The following BRINP3 variants were observed in gnomAD, a reference collection of about 807,000 sequenced individuals.
BRINP3 encodes the protein BMP/retinoic acid inducible neural specific 3.
Under a neutral mutation model 71.0 loss-of-function variants are expected in BRINP3, and 19 were observed. The ratio of observed to expected loss-of-function variants is 0.27; its 90% CI spans 0.19 to 0.39. The LOEUF (loss-of-function observed/expected upper bound fraction) is 0.39, where lower values mean the gene tolerates loss of function less well. Among genes scored for constraint, BRINP3 ranks in the 10% least tolerant of loss-of-function variants. The probability of loss-of-function intolerance (pLI) is 1.00; values close to 1 mark genes in which losing one functional copy is unlikely to be tolerated. For missense variants in BRINP3, 959 were observed against 940.8 expected (o/e 1.02, Z -0.25); for synonymous variants, 380 against 337.7 (o/e 1.13, Z -1.37).
chr1:190,207,765 T>C (rs1655639334), intron 6 of BRINP3, among the ~76,000 whole-genome samples: 2 of 152,146 alleles, frequency 1.3e-5, no homozygotes, highest in African/African-American at 4.8e-5. Context: ...ATAATGATAA[T>C]GAACAAATTG....
At chr1:190,302,626 A>G (rs897350388) in intron 2 of BRINP3, 1 of 151,830 alleles carries the variant, frequency 6.6e-6, no homozygotes, top group Non-Finnish European at 1.5e-5. Context: ...AAATCCCCTC[A>G]TAAATATTTT....
intron 3 of BRINP3, among the ~76,000 whole-genome samples, chr1:190,265,458 A>G (rs1458110729): frequency 6.6e-6 from 1 of 151,580 alleles, no homozygotes; most frequent in Non-Finnish European, 1.5e-5. Flanking sequence ...TCCCAGCACT[A>G]TGGAAGGCCG....
chr1:190,265,134 T>A, intron 3 of BRINP3, 79 bp from the exon 4 acceptor site: 1 of 1,282,204 alleles, frequency 7.8e-7, no homozygotes, highest in Non-Finnish European at 1.1e-6. Flanking sequence ...TGGAAAGGTC[T>A]AGCTTATGAA....
At chr1:190,163,154 T>C (rs1194648785) in intron 6 of BRINP3, among the ~76,000 whole-genome samples, 1 of 152,110 alleles carries the variant, frequency 6.6e-6, no homozygotes, top group Non-Finnish European at 1.5e-5. Flanking sequence ...AAAATTTGAA[T>C]GATGCATTAG....
At position 190,260,551 on chromosome 1, in the gene BRINP3, T is replaced by C. The variant is rs1045079400; in HGVS notation, c.618+4314A>G. 3.3e-5 allele frequency among the ~76,000 whole-genome samples: 5 copies of C among 152,010 alleles called. No homozygotes were observed. The East Asian group carries it at 7.7e-4, about 24-fold the overall frequency. On this transcript the variant is annotated intron_variant, in intron 4 of 7. Coordinates refer to ENST00000367462, the MANE Select transcript of BRINP3 (RefSeq NM_199051.3). ...TTAAAGTAAGTTTTAAAAACATATA[T>C]ATATATAGAGAGAGAGAGGTAAAAT...
At chr1:190,354,243 C>A (rs1294982733) in intron 2 of BRINP3, among the ~76,000 whole-genome samples, 3 of 151,870 alleles carry the variant, frequency 2.0e-5, no homozygotes, top group South Asian at 2.1e-4. Context: ...TGATTTAGGG[C>A]AGTTTAGCAA....
At chr1:190,343,325 G>A (rs1195765477) in intron 2 of BRINP3, among the ~76,000 whole-genome samples, 1 of 151,760 alleles carries the variant, frequency 6.6e-6, no homozygotes, top group Non-Finnish European at 1.5e-5. Flanking sequence ...TGAGAGAGAA[G>A]TTAAGACTAC....
intron 6 of BRINP3, among the ~76,000 whole-genome samples, chr1:190,169,770 T>A (rs1363455124): frequency 6.6e-6 from 1 of 152,162 alleles, no homozygotes; most frequent in East Asian, 1.9e-4. Context: ...ATGAAAACAA[T>A]AAAATGTCTT....
At chr1:190,327,326 CAAAAAAAAAA>C (rs1227478693) in intron 2 of BRINP3, among the ~76,000 whole-genome samples, 11,014 of 44,534 alleles carry the variant, frequency 0.25, 197 homozygotes, top group South Asian at 0.45. Flanking sequence ...AAAAAAAGAA[CAAAAAAAAAA>C]AAAAAAAAAA....
chr1:190,394,469 G>C lies in BRINP3; in HGVS notation c.236+60186C>G, dbSNP rs534898081. On this transcript the variant is annotated intron_variant, in intron 2 of 7. Coordinates refer to ENST00000367462, the MANE Select transcript of BRINP3 (RefSeq NM_199051.3). ...ATATGAATGCACATATGCCAAAAAA[G>C]GAAAACCTCTAAATTTGTATTATTT... 4.0e-5 allele frequency among the ~76,000 whole-genome samples: 6 copies of C among 151,496 alleles called. No homozygotes were observed. The East Asian group carries it at 1.2e-3, about 29-fold the overall frequency.
chr1:190,443,760 C>T (rs778482797), intron 2 of BRINP3, among the ~76,000 whole-genome samples: 15 of 152,144 alleles, frequency 9.9e-5, no homozygotes, highest in Non-Finnish European at 1.8e-4. Flanking sequence ...CATCTGACAG[C>T]GACTTCTAGT....
intron 2 of BRINP3, among the ~76,000 whole-genome samples, chr1:190,327,426 A>G (rs1198000702): frequency 6.9e-6 from 1 of 144,482 alleles, no homozygotes; most frequent in Non-Finnish European, 1.5e-5. Context: ...CATCTCACAC[A>G]TAATAACAAC....
chr1:190,153,881 G>A (rs1656640064), intron 7 of BRINP3: 1 of 156,348 alleles, frequency 6.4e-6, no homozygotes, highest in South Asian at 2.0e-4. Context: ...AAATAATTTG[G>A]AGGCCATTCT....
At chr1:190,130,780 C>T (rs1223217534) in intron 7 of BRINP3, among the ~76,000 whole-genome samples, 2 of 151,946 alleles carry the variant, frequency 1.3e-5, no homozygotes, top group Admixed American at 6.6e-5. Context: ...GAGATAACTA[C>T]TAATTTGGGC....
rs142912299 is a variant in BRINP3 at position 190,250,388 on chromosome 1, T to C, written c.618+14477A>G. ...GTTTAGAATGTTAAGGGGGAAAATA[T>C]GATGTCTTTTTTAACTTGATATTTG... On this transcript the variant is annotated intron_variant, in intron 4 of 7. Coordinates refer to ENST00000367462, the MANE Select transcript of BRINP3 (RefSeq NM_199051.3). Among the ~76,000 whole-genome samples the C allele has an allele frequency of 3.3e-3, 503 of 152,054 alleles. 4 individuals carry two copies. Among genetic ancestry groups the C allele is most frequent in the African/African-American group, 0.011 (472 of 41,522 alleles).
At chr1:190,231,769 C>T (rs1387653320) in intron 5 of BRINP3, among the ~76,000 whole-genome samples, 1 of 151,694 alleles carries the variant, frequency 6.6e-6, no homozygotes, top group Non-Finnish European at 1.5e-5. Context: ...AAAACGAGAT[C>T]TCAAAGTCCA....
At chr1:190,180,169 C>T (rs1222326263) in intron 6 of BRINP3, among the ~76,000 whole-genome samples, 2 of 152,010 alleles carry the variant, frequency 1.3e-5, no homozygotes, top group African/African-American at 4.8e-5. Flanking sequence ...TGCCTGCTGC[C>T]TACTTCAAAG....
At chr1:190,236,996 A>T (rs1447621083) in intron 4 of BRINP3, among the ~76,000 whole-genome samples, 1 of 151,908 alleles carries the variant, frequency 6.6e-6, no homozygotes, top group African/African-American at 2.4e-5. Flanking sequence ...CTAACACTTC[A>T]TCCTTAAAAG....
chr1:190,285,687 G>A (rs1663367955), intron 2 of BRINP3, among the ~76,000 whole-genome samples: 1 of 151,520 alleles, frequency 6.6e-6, no homozygotes, highest in African/African-American at 2.4e-5. Context: ...AGGAGCTAAT[G>A]TCTGTATATA....
Sources: gnomAD v4.1 joint callset for allele counts (sites outside exome capture counted in the v4.1 genomes callset) on GRCh38, gnomAD v4.1.1 for gene constraint, MANE v1.5 for transcripts, NCBI Gene and HGNC (gene_info 2026-07-23, HGNC 2026-07-21) for gene names.